The following NAALADL2 variants were observed in gnomAD, a reference collection of about 807,000 sequenced individuals.
NAALADL2 encodes N-acetylated alpha-linked acidic dipeptidase like 2, also known as inactive N-acetylated-alpha-linked acidic dipeptidase-like protein 2.
Under a neutral mutation model 87.2 loss-of-function variants are expected in NAALADL2, and 76 were observed. The ratio of observed to expected loss-of-function variants is 0.87; its 90% CI spans 0.72 to 1.05. NAALADL2 has a LOEUF of 1.05. Among genes scored for constraint, NAALADL2 ranks in the 50% least tolerant of loss-of-function variants. The pLI is 0.00. For synonymous variants in NAALADL2, 354 were observed against 331.0 expected, an observed-to-expected ratio of 1.07 and a Z score of -0.75; for missense variants, 1,089 against 945.8, an observed-to-expected ratio of 1.15 and a Z score of -1.99.
chr3:175,257,021 A>G (rs1426924309), intron 4 of NAALADL2: 1 of 152,082 alleles, frequency 6.6e-6, no homozygotes, highest in Non-Finnish European at 1.5e-5. Context: ...TGTGATCAGG[A>G]TTTTAATTAA....
intron 5 of NAALADL2, among the ~76,000 whole-genome samples, chr3:175,440,078 G>A (rs1289452991): frequency 1.3e-5 from 2 of 152,176 alleles, no homozygotes; most frequent in African/African-American, 4.8e-5. Context: ...TGAGAGATGA[G>A]AACCCAGTTT....
chr3:175,337,119 A>G (rs565011119), intron 5 of NAALADL2, among the ~76,000 whole-genome samples: 3 of 149,010 alleles, frequency 2.0e-5, no homozygotes, highest in Non-Finnish European at 3.0e-5. Flanking sequence ...TGGAATTACA[A>G]TTCTTATGTA....
At chr3:175,140,902 A>AAATCACTT (rs923793213) in intron 2 of NAALADL2, among the ~76,000 whole-genome samples, 1 of 152,130 alleles carries the variant, frequency 6.6e-6, no homozygotes, top group Non-Finnish European at 1.5e-5. Context: ...GCTTGGCAGT[A>AAATCACTT]AATCACTTAA....
intron 4 of NAALADL2, among the ~76,000 whole-genome samples, chr3:175,260,815 T>C (rs530000950): frequency 2.6e-5 from 4 of 152,164 alleles, no homozygotes; most frequent in Non-Finnish European, 5.9e-5. Context: ...TGATATTAAA[T>C]TATTAGATTA....
intron 3 of NAALADL2, among the ~76,000 whole-genome samples, chr3:174,797,815 G>T (rs934185153): frequency 3.9e-5 from 6 of 152,008 alleles, no homozygotes; most frequent in African/African-American, 1.4e-4. Flanking sequence ...CTTATTTTAT[G>T]GGTTATGTTT....
intron 3 of NAALADL2, among the ~76,000 whole-genome samples, chr3:174,800,261 A>G (rs1176814492): frequency 6.6e-6 from 1 of 151,936 alleles, no homozygotes; most frequent in African/African-American, 2.4e-5. Context: ...GACCTGGAAG[A>G]AAAAAAATGG....
At chr3:174,627,753 G>A (rs920810948) in intron 2 of NAALADL2, among the ~76,000 whole-genome samples, 4 of 152,164 alleles carry the variant, frequency 2.6e-5, no homozygotes, top group Non-Finnish European at 5.9e-5. Flanking sequence ...CACAATACTA[G>A]TTGGCCATTA....
intron 1 of NAALADL2, among the ~76,000 whole-genome samples, chr3:175,005,570 G>T (rs1270922129): frequency 6.6e-6 from 1 of 152,050 alleles, no homozygotes; most frequent in Non-Finnish European, 1.5e-5. Flanking sequence ...AATATTGTAA[G>T]GTCTGTAGTC....
intron 13 of NAALADL2, among the ~76,000 whole-genome samples, chr3:175,763,185 T>C (rs1404137981): frequency 1.3e-5 from 2 of 152,112 alleles, no homozygotes; most frequent in East Asian, 1.9e-4. Flanking sequence ...CTTTTTCCAG[T>C]AGAAAAGACT....
chr3:175,760,506 C>T (rs3905294), intron 13 of NAALADL2, among the ~76,000 whole-genome samples: 1 of 152,176 alleles, frequency 6.6e-6, no homozygotes, highest in African/African-American at 2.4e-5. Flanking sequence ...AAAACAATAT[C>T]TATGTTCCGG....
intron 1 of NAALADL2, among the ~76,000 whole-genome samples, chr3:174,450,314 C>T (rs973545885): frequency 3.3e-5 from 5 of 152,096 alleles, no homozygotes; most frequent in Non-Finnish European, 7.3e-5. Flanking sequence ...TCCTCACTGA[C>T]CAACTAAAAT....
At chr3:175,440,270 C>T (rs1433013554) in intron 5 of NAALADL2, among the ~76,000 whole-genome samples, 1 of 152,118 alleles carries the variant, frequency 6.6e-6, no homozygotes, top group East Asian at 1.9e-4. Context: ...CAGTATCATG[C>T]TGTTTTGGTG....
At chr3:174,826,044 AACAACAACG>A (rs936813798) in intron 3 of NAALADL2, among the ~76,000 whole-genome samples, 12 of 150,688 alleles carry the variant, frequency 8.0e-5, no homozygotes, top group African/African-American at 1.5e-4. Flanking sequence ...CAACAACAAC[AACAACAACG>A]ACAACAACAA....
At chr3:175,616,666 C>T (rs183222625) in intron 10 of NAALADL2, among the ~76,000 whole-genome samples, 1 of 152,214 alleles carries the variant, frequency 6.6e-6, no homozygotes, top group East Asian at 1.9e-4. Context: ...GCTTGCTCCA[C>T]CTGCTCAACC....
At chr3:175,125,539 G>T (rs889426152) in intron 2 of NAALADL2, among the ~76,000 whole-genome samples, 1 of 151,960 alleles carries the variant, frequency 6.6e-6, no homozygotes, top group Admixed American at 6.6e-5. Flanking sequence ...TCAAATGAAC[G>T]GGATCCTTTG....
At chr3:175,221,218 A>T (rs868149992) in intron 2 of NAALADL2, among the ~76,000 whole-genome samples, 332 of 107,862 alleles carry the variant, frequency 3.1e-3, no homozygotes, top group South Asian at 0.01. Context: ...AAAAAAAAAG[A>T]TTTTTTAGTA....
chr3:175,713,597 A>T (rs1333615116), intron 11 of NAALADL2, among the ~76,000 whole-genome samples: 2 of 152,146 alleles, frequency 1.3e-5, no homozygotes, highest in African/African-American at 4.8e-5. Context: ...AAATGATGTT[A>T]TTTAATAATT....
At chr3:175,260,140 A>G (rs978969855) in intron 4 of NAALADL2, among the ~76,000 whole-genome samples, 1 of 152,226 alleles carries the variant, frequency 6.6e-6, no homozygotes, top group Non-Finnish European at 1.5e-5. Context: ...TATTTACATT[A>G]TAAAACCCTT....
intron 3 of NAALADL2, among the ~76,000 whole-genome samples, chr3:174,849,268 T>G (rs915968379): frequency 9.9e-5 from 15 of 152,202 alleles, no homozygotes; most frequent in Non-Finnish European, 1.5e-4. Flanking sequence ...ACTCTATCTT[T>G]TATACTTTAC....
Sources: gnomAD v4.1 joint callset for allele counts (sites outside exome capture counted in the v4.1 genomes callset) on GRCh38, gnomAD v4.1.1 for gene constraint, MANE v1.5 for transcripts, NCBI Gene and HGNC (gene_info 2026-07-23, HGNC 2026-07-21) for gene names.